The following ACTN3 variants were observed in gnomAD, a reference collection of about 807,000 sequenced individuals.
ACTN3 encodes the protein alpha-actinin-3.
In ACTN3, 91 loss-of-function variants were observed where a neutral mutation model predicts 119.6. The ratio of observed to expected loss-of-function variants is 0.76; its 90% CI spans 0.64 to 0.91. The LOEUF is 0.91. Among genes scored for constraint, ACTN3 ranks in the 40% least tolerant of loss-of-function variants. The pLI, the probability that ACTN3 is intolerant of heterozygous loss-of-function variation, is 0.00. For missense variants in ACTN3, 1,221 were observed against 1,215.1 expected (o/e 1.00, Z -0.07); for synonymous variants, 456 against 478.8 (o/e 0.95, Z 0.62).
rs1246349221 is a variant in ACTN3, at chr11:66,562,171, C to G, written c.2322+3C>G. The G allele has an allele frequency of 2.5e-6, 4 of 1,613,828 alleles. No individual in the cohort carries two copies. The highest frequency in any genetic ancestry group is 2.2e-5 in the South Asian group (2 of 91,082). ...CATCCTTCAACCACTTTGACAGGGT[C>G]AGCAGGGGCCTGGCCCTGTGGGGTA... is the stretch of plus-strand genomic sequence containing the variant. On this transcript the variant is annotated splice_donor_region_variant and intron_variant, in intron 18 of 20. Coordinates refer to ENST00000513398, the MANE Select transcript of ACTN3 (RefSeq NM_001104.4).
At position 66,560,406 on chromosome 11, in the gene ACTN3, G is replaced by A; in HGVS notation, c.1677+95G>A. ...CTTTAGGCTCCTGGGGCATAGGGAT[G>A]GGAGGAAAACCCCAGTTCCCGAGTG... On this transcript the variant is annotated intron_variant, in intron 14 of 20. Coordinates refer to ENST00000513398, the MANE Select transcript of ACTN3 (RefSeq NM_001104.4). 2.0e-6 allele frequency: 3 copies of A among 1,506,262 alleles called. No homozygotes were observed. In the African/African-American group the frequency reaches 4.2e-5, roughly 21 times the overall value. The allele number at this position is 1,506,262 out of a possible 1,614,324, so 93.3% of individuals were successfully genotyped here.
At chr11:66,551,203 C>T in intron 1 of ACTN3, 36 bp from the exon 2 acceptor site, 1 of 1,465,932 alleles carries the variant, frequency 6.8e-7, no homozygotes. Context: ...CCCCCAGAGC[C>T]AGTCGTAGGG....
Position 66,563,065 on chromosome 11 carries a change from G to A in ACTN3, c.2578G>A (p.Glu860Lys), listed in dbSNP as rs372843748. The A allele has an allele frequency of 1.7e-5, 28 of 1,612,388 alleles. No individual in the cohort carries two copies. The highest frequency in any genetic ancestry group is 9.4e-5 in the African/African-American group (7 of 74,852). ...NYITPEELRR[E>K]LPAKQAEYCI... ...CATCACCCCCGAGGAGCTGCGGCGC[G>A]AGCTCCCTGCCAAGCAGGCCGAGTA... Residue 860 changes from glutamate to lysine, a missense_variant, in exon 21 of 21, where the codon GAG (glutamate) becomes AAG (lysine). Transcript: ENST00000513398.
chr11:66,559,019 T>A (rs371542692), intron 11 of ACTN3: 64 of 416,322 alleles, frequency 1.5e-4, no homozygotes, highest in African/African-American at 1.3e-3. Context: ...CCCCTGGACG[T>A]AGCTCGCTCA....
At chr11:66,549,332 C>T (rs573073320) in intron 1 of ACTN3, among the ~76,000 whole-genome samples, 24 of 152,326 alleles carry the variant, frequency 1.6e-4, no homozygotes, top group African/African-American at 4.6e-4. Context: ...TGATCCGCAG[C>T]GTCCCTCCCA....
intron 3 of ACTN3, among the ~76,000 whole-genome samples, chr11:66,553,664 AT>A (rs1366667992): frequency 1.3e-5 from 2 of 151,370 alleles, no homozygotes; most frequent in Non-Finnish European, 2.9e-5. Context: ...AGGTCAGGAG[AT>A]TGAGACCATC....
At position 66,555,131 on chromosome 11, in the gene ACTN3, T is replaced by C. The variant is rs1857562702; in HGVS notation, c.559T>C (p.Trp187Arg). 6.2e-7 allele frequency: 1 copy of C among 1,613,874 alleles called. No individual in the cohort carries two copies. Among genetic ancestry groups the C allele is most frequent in the Admixed American group, 1.7e-5 (1 of 59,998 alleles). ...NVNVQNFHTS[W>R]KDGLALCALI... ...GACCCCCCTCTTCTCTCTGTCCAGCTGGAAGGATGGCCTGGCCCTCTGTGC... is the reference window on the plus strand; with the variant it reads ...GACCCCCCTCTTCTCTCTGTCCAGCCGGAAGGATGGCCTGGCCCTCTGTGC... Residue 187 changes from tryptophan to arginine, a missense_variant and splice_region_variant, in exon 6 of 21, where the codon TGG (tryptophan) becomes CGG (arginine). This residue lies in a region of ACTN3 where 48 missense variants were observed against 83.4 expected (regional missense o/e 0.58). Coordinates refer to ENST00000513398, the MANE Select transcript of ACTN3 (RefSeq NM_001104.4).
chr11:66,554,685 C>CT, intron 5 of ACTN3, 62 bp downstream of exon 5: 2 of 1,400,536 alleles, frequency 1.4e-6, no homozygotes, highest in Non-Finnish European at 2.0e-6. Context: ...TAGAGAGGAG[C>CT]CCTCCCTGGT....
Position 66,557,806 on chromosome 11 carries a change from T to C in ACTN3, c.1005T>C (p.Arg335=), listed in dbSNP as rs1836904653. The change falls in exon 10 of 21, where the codon CGT becomes CGC. Residue 335 remains arginine (R), a synonymous_variant. Coordinates refer to ENST00000513398, the MANE Select transcript of ACTN3 (RefSeq NM_001104.4). The part of the protein sequence containing the change: ...RKLEDFRDYR[R]LHKPPRIQEK... The stretch of plus-strand genomic sequence containing the variant: ...TAGAGGACTTTCGGGACTACCGGCG[T>C]CTGCACAAGCCGCCCCGCATTCAGG... The C allele has an allele frequency of 1.2e-6, 2 of 1,614,038 alleles. No homozygotes were observed. The highest frequency in any genetic ancestry group is 1.7e-6 in the Non-Finnish European group (2 of 1,179,964).
At position 66,551,524 on chromosome 11, in the gene ACTN3, C is replaced by A; in HGVS notation, c.263-4C>A. The A allele has an allele frequency of 6.2e-7, 1 of 1,613,420 alleles. No homozygotes were observed. The highest frequency in any genetic ancestry group is 8.5e-7 in the Non-Finnish European group (1 of 1,179,674). ...TGGCCCTTGGCCTCTCCTCTTAAAC[C>A]CAGGTGAGAGGCTGCCTAGGCCAGA... On this transcript the variant is annotated splice_region_variant and splice_polypyrimidine_tract_variant and intron_variant, in intron 2 of 20. Transcript: ENST00000513398.
rs1185205198 is a variant in ACTN3 at position 66,557,692 on chromosome 11, C to T, written c.898-7C>T. ...CTGTCTGCCTTGCCCCTGCCTGGCCCTGTCAGCTGCTGGAGTGGATCCGCC... is the reference window on the plus strand; with the variant it reads ...CTGTCTGCCTTGCCCCTGCCTGGCCTTGTCAGCTGCTGGAGTGGATCCGCC... On this transcript the variant is annotated splice_region_variant and splice_polypyrimidine_tract_variant and intron_variant, in intron 9 of 20. Coordinates refer to ENST00000513398, the MANE Select transcript of ACTN3 (RefSeq NM_001104.4). 17 of 1,605,588 alleles carry T rather than the reference C, an allele frequency of 1.1e-5. No homozygotes were observed. Among genetic ancestry groups the T allele is most frequent in the Middle Eastern group, 1.7e-4 (1 of 6,056 alleles).
chr11:66,546,762 C>G, upstream of ACTN3: 1 of 1,535,584 alleles, frequency 6.5e-7, no homozygotes, highest in Non-Finnish European at 8.7e-7. Flanking sequence ...CCGCAGTTCC[C>G]GGCTTCAGGA....
chr11:66,560,913 G>A (rs919004142), intron 15 of ACTN3, 158 bp downstream of exon 15: 8 of 335,962 alleles, frequency 2.4e-5, no homozygotes, highest in African/African-American at 4.5e-5. Flanking sequence ...TGCCTGTCTC[G>A]GGCTCATCTG....
rs753668702 is a variant in ACTN3, at chr11:66,557,728, A to G, written c.927A>G (p.Pro309=). ...TGGAGTGGATCCGCCGCACTGTCCCATGGCTGGAGAACCGTGTGGGTGAGC... is the reference window on the plus strand; with the variant it reads ...TGGAGTGGATCCGCCGCACTGTCCCGTGGCTGGAGAACCGTGTGGGTGAGC... ...ELLEWIRRTV[P]WLENRVGEPS... The change falls in exon 10 of 21, where the codon CCA becomes CCG. Residue 309 remains proline (P), a synonymous_variant. Transcript: ENST00000513398. The G allele has an allele frequency of 2.5e-6, 4 of 1,613,164 alleles. No individual in the cohort carries two copies. The South Asian group carries it at 3.3e-5, about 13-fold the overall frequency.
Position 66,562,816 on chromosome 11 carries a change from C to T in ACTN3, c.2409C>T (p.Arg803=), listed in dbSNP as rs777854563. Reference sequence around the variant, plus strand: ...TGCAGGGGGAAGTGGAGTTTGCTCGCATCATGACCATGGTGGACCCCAACG... The same window carrying T: ...TGCAGGGGGAAGTGGAGTTTGCTCGTATCATGACCATGGTGGACCCCAACG... ...GYDLGEVEFA[R]IMTMVDPNAA... Residue 803 remains arginine (R), a synonymous_variant, in exon 20 of 21, where the codon CGC becomes CGT. Coordinates refer to ENST00000513398, the MANE Select transcript of ACTN3 (RefSeq NM_001104.4). 5 of 1,611,960 alleles carry T rather than the reference C, an allele frequency of 3.1e-6. No homozygotes were observed. In the South Asian group the frequency reaches 5.5e-5, roughly 18 times the overall value.
chr11:66,557,063 G>T (rs1330799357), intron 8 of ACTN3, 70 bp from the exon 9 acceptor site: 2 of 1,431,754 alleles, frequency 1.4e-6, no homozygotes, highest in African/African-American at 2.8e-5. Context: ...GCTCGGCGGG[G>T]CTCTGGGTTT....
intron 3 of ACTN3, among the ~76,000 whole-genome samples, chr11:66,553,378 A>G (rs1857516954): frequency 6.6e-6 from 1 of 151,350 alleles, no homozygotes; most frequent in African/African-American, 2.4e-5. Context: ...ACATGGTGAA[A>G]CCCCATCTCT....
rs1471754866 is a variant in ACTN3, at chr11:66,556,963, G to A, written c.805-170G>A. Among the ~76,000 whole-genome samples, 6 of 152,090 alleles carry A rather than the reference G, an allele frequency of 3.9e-5. No individual in the cohort carries two copies. The South Asian group carries it at 6.2e-4, about 16-fold the overall frequency. On this transcript the variant is annotated intron_variant, in intron 8 of 20. Transcript: ENST00000513398. ...TTTTTAGTAGAGACGGGGTTTCACCGTGTTAGCTAGGATGGTTTCGATCTC... is the reference window on the plus strand; with the variant it reads ...TTTTTAGTAGAGACGGGGTTTCACCATGTTAGCTAGGATGGTTTCGATCTC...
At position 66,561,623 on chromosome 11, in the gene ACTN3, G is replaced by C; in HGVS notation, c.2161G>C (p.Val721Leu). The change falls in exon 17 of 21, where the codon GTC becomes CTC. Residue 721 changes from valine to leucine, a missense_variant. This residue lies in a region of ACTN3 where 934 missense variants were observed against 899.9 expected (regional missense o/e 1.04). Transcript: ENST00000513398. ...ESLVFDNKHT[V>L]YSMEHIRVGW... ...CCTGGTGTTCGACAATAAGCACACC[G>C]TCTACAGCATGGAGGTGGGATCACA... The C allele has an allele frequency of 2.5e-6, 4 of 1,612,176 alleles. No homozygotes were observed. The highest frequency in any genetic ancestry group is 2.5e-6 in the Non-Finnish European group (3 of 1,179,204).
Sources: gnomAD v4.1 joint callset for allele counts (sites outside exome capture counted in the v4.1 genomes callset) on GRCh38, gnomAD v4.1.1 for gene constraint, gnomAD v4.1.1 regional missense constraint, MANE v1.5 for transcripts, NCBI Gene and HGNC (gene_info 2026-07-23, HGNC 2026-07-21) for gene names.